The following USH2A variants were observed in gnomAD, a reference collection of about 807,000 sequenced individuals.
The protein encoded by USH2A is Usher syndrome 2A (autosomal recessive, mild).
Under a neutral mutation model 538.9 loss-of-function variants are expected in USH2A, and 443 were observed. That is an observed-to-expected ratio of 0.82 (90% CI 0.76 to 0.89). The LOEUF (loss-of-function observed/expected upper bound fraction) is 0.89, where lower values mean the gene tolerates loss of function less well. Ranked by LOEUF, USH2A falls within the 40% of genes least tolerant of loss-of-function variation. The pLI, the probability that USH2A is intolerant of heterozygous loss-of-function variation, is 0.00. For missense variants in USH2A, 6,633 were observed against 6,324.8 expected (o/e 1.05, Z -1.65); for synonymous variants, 2,413 against 2,273.5 (o/e 1.06, Z -1.75).
chr1:215,817,154 C>T lies in USH2A; in HGVS notation c.9413G>A (p.Gly3138Asp), dbSNP rs756163056. 5.0e-6 allele frequency: 8 copies of T among 1,612,596 alleles called. No individual in the cohort carries two copies. In the South Asian group the frequency reaches 8.8e-5, roughly 18 times the overall value. Reference sequence around the variant, plus strand: ...TAGGAGATCATATCCAAGAATGATGCCATTTGGCTTCCGTGGAGACACCCA... The same window carrying T: ...TAGGAGATCATATCCAAGAATGATGTCATTTGGCTTCCGTGGAGACACCCA... Reference protein sequence around the residue: ...IDWVSPRKPNGIILGYDLLWK... With the variant: ...IDWVSPRKPNDIILGYDLLWK... The change falls in exon 48 of 72, where the codon GGC becomes GAC. Residue 3138 changes from glycine to aspartate, a missense_variant. Transcript: ENST00000307340.
chr1:215,814,548 G>A (rs934614357), intron 48 of USH2A, among the ~76,000 whole-genome samples: 39 of 151,992 alleles, frequency 2.6e-4, no homozygotes, highest in African/African-American at 9.2e-4. Flanking sequence ...TTTTATTGTA[G>A]GTCTAAAGGC....
At chr1:215,802,649 G>A (rs558523438) in intron 49 of USH2A, among the ~76,000 whole-genome samples, 21 of 152,158 alleles carry the variant, frequency 1.4e-4, no homozygotes, top group East Asian at 7.7e-4. Context: ...ACACTTATGC[G>A]TTGTTGGGAA....
At chr1:216,410,523 G>T (rs918708943) in intron 3 of USH2A, among the ~76,000 whole-genome samples, 5 of 151,946 alleles carry the variant, frequency 3.3e-5, no homozygotes, top group Non-Finnish European at 7.4e-5. Flanking sequence ...AAGGAAGAAA[G>T]AAAGAAATAA....
intron 37 of USH2A, among the ~76,000 whole-genome samples, chr1:215,953,980 C>T (rs1163659998): frequency 1.3e-5 from 2 of 152,232 alleles, no homozygotes; most frequent in Non-Finnish European, 1.5e-5. Context: ...TCATCACTGG[C>T]CATGAGAGAA....
intron 21 of USH2A, among the ~76,000 whole-genome samples, chr1:216,113,151 A>C (rs553566307): frequency 1.4e-3 from 207 of 151,334 alleles, no homozygotes; most frequent in Non-Finnish European, 2.4e-3. Context: ...AAAAAAAAAA[A>C]AAAAACAAAA....
At chr1:215,895,998 A>G (rs1442681509) in intron 40 of USH2A, among the ~76,000 whole-genome samples, 3 of 152,236 alleles carry the variant, frequency 2.0e-5, no homozygotes, top group Non-Finnish European at 2.9e-5. Flanking sequence ...CAGTAAAAAT[A>G]TGATATCATC....
intron 32 of USH2A, among the ~76,000 whole-genome samples, chr1:216,041,531 C>T (rs1292591499): frequency 2.0e-5 from 3 of 151,982 alleles, no homozygotes; most frequent in East Asian, 1.9e-4. Flanking sequence ...TAAAGGGAAA[C>T]TACAAGTAAA....
At chr1:215,716,376 C>T (rs1659488512) in intron 61 of USH2A, among the ~76,000 whole-genome samples, 2 of 152,144 alleles carry the variant, frequency 1.3e-5, no homozygotes, top group Admixed American at 1.3e-4. Context: ...TTATAGAAAC[C>T]AACCCATTAA....
rs755308334 is a variant in USH2A, at chr1:215,628,943, G to A, written c.15390C>T (p.Asn5130=). The A allele has an allele frequency of 1.2e-6, 2 of 1,614,140 alleles. No individual in the cohort carries two copies. Among genetic ancestry groups the A allele is most frequent in the Non-Finnish European group, 1.7e-6 (2 of 1,180,042 alleles). ...CCTGGGAGTAGGTTAGGCTGGTTTGGTTTTGACTCGGGATGCGCAGGACAC... is the reference window on the plus strand; with the variant it reads ...CCTGGGAGTAGGTTAGGCTGGTTTGATTTTGACTCGGGATGCGCAGGACAC... ...SACVLRIPSQ[N]QTSLTYSQGS... is the part of the protein sequence containing the mutation. Residue 5130 remains asparagine, a synonymous_variant, in exon 71 of 72, where the codon AAC becomes AAT. Transcript: ENST00000307340.
chr1:216,234,671 C>T (rs567375096), intron 13 of USH2A, among the ~76,000 whole-genome samples: 4 of 151,930 alleles, frequency 2.6e-5, no homozygotes, highest in Non-Finnish European at 4.4e-5. Context: ...AGCACAGATA[C>T]TTACAAGTAG....
intron 16 of USH2A, among the ~76,000 whole-genome samples, chr1:216,201,149 A>G (rs2034989818): frequency 6.6e-6 from 1 of 151,226 alleles, no homozygotes; most frequent in African/African-American, 2.4e-5. Context: ...TTTACAATAT[A>G]TATGGGTTGG....
chr1:216,027,765 A>G (rs1669004980), intron 32 of USH2A, among the ~76,000 whole-genome samples: 1 of 151,442 alleles, frequency 6.6e-6, no homozygotes, highest in African/African-American at 2.4e-5. Flanking sequence ...TAACATTTGA[A>G]TAAGAGACAA....
At position 216,325,311 on chromosome 1, in the gene USH2A, C is replaced by T. The variant is rs1329537264; in HGVS notation, c.1137G>A (p.Gln379=). ...CCTTATCGTTTCTCATTACCTGATA[C>T]TGTCCATTTTCCAAATCAACTGAAA... ...VTISVDLENG[Q]YQVFYIIIQF... Residue 379 remains glutamine (Q), a synonymous_variant, in exon 6 of 72, where the codon CAG becomes CAA. Coordinates refer to ENST00000307340, the MANE Select transcript of USH2A (RefSeq NM_206933.4). The T allele has an allele frequency of 1.2e-6, 2 of 1,613,630 alleles. No homozygotes were observed. Among genetic ancestry groups the T allele is most frequent in the Non-Finnish European group, 8.5e-7 (1 of 1,179,792 alleles).
At chr1:216,205,776 T>C (rs1317167969) in intron 16 of USH2A, among the ~76,000 whole-genome samples, 2 of 152,172 alleles carry the variant, frequency 1.3e-5, no homozygotes, top group Non-Finnish European at 1.5e-5. Flanking sequence ...TTTCTTAAAC[T>C]AGTGTGTAGC....
At position 216,047,303 on chromosome 1, in the gene USH2A, C is replaced by G. The variant is rs2030563965; in HGVS notation, c.6164-711G>C. Among the ~76,000 whole-genome samples, 4 of 152,134 alleles carry G rather than the reference C, an allele frequency of 2.6e-5. No individual in the cohort carries two copies. In the South Asian group the frequency reaches 8.3e-4, roughly 32 times the overall value. ...TGGTATGAAGGGTACCAGGTAAACC[C>G]TGGACAAAGGATTTAGTGGATACGG... is the stretch of plus-strand genomic sequence containing the variant. On this transcript the variant is annotated intron_variant, in intron 31 of 71. Transcript: ENST00000307340.
chr1:216,187,476 CATA>C (rs1169576221), intron 20 of USH2A, among the ~76,000 whole-genome samples: 2 of 151,794 alleles, frequency 1.3e-5, no homozygotes, highest in East Asian at 1.9e-4. Flanking sequence ...TTGAAATGTG[CATA>C]ATAATTCTGA....
chr1:216,154,169 T>TA (rs1373786064), intron 21 of USH2A, among the ~76,000 whole-genome samples: 1 of 152,218 alleles, frequency 6.6e-6, no homozygotes, highest in African/African-American at 2.4e-5. Flanking sequence ...CCTTTCTATT[T>TA]ACAAAAATTC....
At chr1:216,340,724 A>T (rs1054301148) in intron 4 of USH2A, among the ~76,000 whole-genome samples, 2 of 152,114 alleles carry the variant, frequency 1.3e-5, no homozygotes, top group Admixed American at 6.6e-5. Flanking sequence ...TCTATCACAT[A>T]AACAGAACCA....
At chr1:216,029,944 G>A (rs1669054901) in intron 32 of USH2A, among the ~76,000 whole-genome samples, 1 of 147,938 alleles carries the variant, frequency 6.8e-6, no homozygotes, top group Non-Finnish European at 1.5e-5. Flanking sequence ...CTGATAGAAT[G>A]GTTAAAGAAA....
Sources: gnomAD v4.1 joint callset for allele counts (sites outside exome capture counted in the v4.1 genomes callset) on GRCh38, gnomAD v4.1.1 for gene constraint, MANE v1.5 for transcripts, NCBI Gene and HGNC (gene_info 2026-07-23, HGNC 2026-07-21) for gene names.